The following SBF2 variants were observed in gnomAD, a reference collection of about 807,000 sequenced individuals.
SBF2 encodes myotubularin-related protein 13.
Under a neutral mutation model 225.2 loss-of-function variants are expected in SBF2, and 112 were observed. The observed-to-expected ratio is 0.50, with a 90% CI of 0.43 to 0.58. SBF2 has a LOEUF of 0.58. Among genes scored for constraint, SBF2 ranks in the 20% least tolerant of loss-of-function variants. The pLI is 0.00. For missense variants in SBF2, 1,996 were observed against 2,206.2 expected (o/e 0.90, Z 1.91); for synonymous variants, 763 against 773.3 (o/e 0.99, Z 0.22).
intron 2 of SBF2, among the ~76,000 whole-genome samples, chr11:10,137,992 T>C (rs1398209750): frequency 3.4e-5 from 5 of 148,476 alleles, no homozygotes; most frequent in Non-Finnish European, 1.5e-5. Flanking sequence ...AGAGTAAGAC[T>C]CCATCTCCAA....
intron 2 of SBF2, among the ~76,000 whole-genome samples, chr11:10,090,764 CAAAAAAA>C (rs201577494): frequency 2.3e-5 from 1 of 44,422 alleles, no homozygotes; most frequent in Non-Finnish European, 4.4e-5. Flanking sequence ...GATTCCATCT[CAAAAAAA>C]AAAAAAAAAA....
intron 2 of SBF2, among the ~76,000 whole-genome samples, chr11:10,054,234 C>T (rs941347389): frequency 2.0e-5 from 3 of 152,238 alleles, no homozygotes; most frequent in African/African-American, 2.4e-5. Context: ...ACTTTCATTA[C>T]GTGTAAGATA....
intron 2 of SBF2, among the ~76,000 whole-genome samples, chr11:10,097,576 TGTA>T (rs1271717776): frequency 6.6e-6 from 1 of 152,162 alleles, no homozygotes; most frequent in Non-Finnish European, 1.5e-5. Flanking sequence ...GGCATCAAGA[TGTA>T]GAAATAGGAA....
intron 1 of SBF2, among the ~76,000 whole-genome samples, chr11:10,273,545 T>C (rs1355645886): frequency 6.6e-6 from 1 of 152,226 alleles, no homozygotes; most frequent in East Asian, 1.9e-4. Flanking sequence ...TGTGTATGAA[T>C]GTTATGACCA....
chr11:9,891,593 C>T (rs1860823150), intron 17 of SBF2, among the ~76,000 whole-genome samples: 1 of 152,096 alleles, frequency 6.6e-6, no homozygotes, highest in Admixed American at 6.6e-5. Flanking sequence ...AATGAAAGTA[C>T]CATATAAACA....
At chr11:10,064,085 T>C (rs540749008) in intron 2 of SBF2, among the ~76,000 whole-genome samples, 2 of 152,288 alleles carry the variant, frequency 1.3e-5, no homozygotes, top group South Asian at 2.1e-4. Flanking sequence ...TTTTTTATTA[T>C]TTAAATATCT....
At chr11:10,195,041 G>C (rs1381157295) in intron 1 of SBF2, among the ~76,000 whole-genome samples, 2 of 152,182 alleles carry the variant, frequency 1.3e-5, no homozygotes, top group Non-Finnish European at 2.9e-5. Context: ...TATAAATACT[G>C]TTACTGGTTA....
chr11:9,982,374 A>T (rs949278931), intron 13 of SBF2, among the ~76,000 whole-genome samples: 1 of 152,242 alleles, frequency 6.6e-6, no homozygotes, highest in Non-Finnish European at 1.5e-5. Context: ...TGTGACTAAC[A>T]TGTTTTCATA....
intron 13 of SBF2, among the ~76,000 whole-genome samples, chr11:9,986,682 T>G (rs371428367): frequency 6.6e-6 from 1 of 152,070 alleles, no homozygotes; most frequent in Non-Finnish European, 1.5e-5. Context: ...CTAGAAGAGA[T>G]TGATACATTC....
At position 10,193,897 on chromosome 11, in the gene SBF2, C is replaced by T. The variant is rs1284700305; in HGVS notation, c.141+5G>A. Reference sequence around the variant, plus strand: ...TAAATATGCAATAATACAACAACCACTTACCAACTCAATTCCCTGTGGAAA... The same window carrying T: ...TAAATATGCAATAATACAACAACCATTTACCAACTCAATTCCCTGTGGAAA... On this transcript the variant is annotated splice_donor_5th_base_variant and intron_variant, in intron 2 of 39. Coordinates refer to ENST00000256190, the MANE Select transcript of SBF2 (RefSeq NM_030962.4). 1.4e-5 allele frequency: 22 copies of T among 1,596,890 alleles called. No homozygotes were observed. Among genetic ancestry groups the T allele is most frequent in the Admixed American group, 5.0e-5 (3 of 59,990 alleles).
intron 1 of SBF2, among the ~76,000 whole-genome samples, chr11:10,229,217 A>G (rs1393311085): frequency 6.6e-6 from 1 of 151,306 alleles, no homozygotes; most frequent in Non-Finnish European, 1.5e-5. Context: ...TTTCTTCTTT[A>G]TTACTCTTGC....
intron 1 of SBF2, among the ~76,000 whole-genome samples, chr11:10,274,428 G>T (rs955588218): frequency 6.6e-6 from 1 of 152,200 alleles, no homozygotes; most frequent in Non-Finnish European, 1.5e-5. Context: ...TTTATTAAGA[G>T]AATTAGAAAG....
At chr11:10,184,154 AT>A (rs1956841786) in intron 2 of SBF2, among the ~76,000 whole-genome samples, 1 of 152,244 alleles carries the variant, frequency 6.6e-6, no homozygotes, top group Admixed American at 6.5e-5. Context: ...AACAAAAAAG[AT>A]AACACATGCT....
In SBF2 at chr11:10,221,696, T is replaced by C. The variant is rs545243052; in HGVS notation, c.56-27709A>G. On this transcript the variant is annotated intron_variant, in intron 1 of 39. Coordinates refer to ENST00000256190, the MANE Select transcript of SBF2 (RefSeq NM_030962.4). Reference sequence around the variant, plus strand: ...AAAATATAAAAATCAGCTACCTATATATAAATAGGTATATACCAAAATATA... The same window carrying C: ...AAAATATAAAAATCAGCTACCTATACATAAATAGGTATATACCAAAATATA... 3.3e-5 allele frequency among the ~76,000 whole-genome samples: 5 copies of C among 152,142 alleles called. No individual in the cohort carries two copies. The South Asian group carries it at 6.2e-4, about 19-fold the overall frequency.
chr11:9,983,261 G>A (rs757727028), intron 13 of SBF2, among the ~76,000 whole-genome samples: 1 of 152,156 alleles, frequency 6.6e-6, no homozygotes, highest in Non-Finnish European at 1.5e-5. Context: ...AGAGAAACTG[G>A]CCCTTCTGTT....
At chr11:9,798,382 G>T (rs1431984655) in intron 32 of SBF2, among the ~76,000 whole-genome samples, 1 of 152,188 alleles carries the variant, frequency 6.6e-6, no homozygotes, top group East Asian at 1.9e-4. Flanking sequence ...GATGGAGAGG[G>T]GGGTTACTCA....
intron 28 of SBF2, among the ~76,000 whole-genome samples, chr11:9,820,078 G>A (rs1406600373): frequency 6.6e-6 from 1 of 152,060 alleles, no homozygotes; most frequent in Non-Finnish European, 1.5e-5. Flanking sequence ...AACAGAAAGG[G>A]GTTTATGATG....
intron 2 of SBF2, among the ~76,000 whole-genome samples, chr11:10,079,696 T>C (rs1267190007): frequency 1.3e-5 from 2 of 152,186 alleles, no homozygotes; most frequent in Non-Finnish European, 2.9e-5. Flanking sequence ...AACTACCTTA[T>C]TCTAGCAGAA....
chr11:9,973,358 C>T (rs545894915), intron 13 of SBF2, among the ~76,000 whole-genome samples: 3 of 152,326 alleles, frequency 2.0e-5, no homozygotes, highest in African/African-American at 7.2e-5. Flanking sequence ...CAGTACAAAG[C>T]AGCAGCCAAA....
Sources: gnomAD v4.1 joint callset for allele counts (sites outside exome capture counted in the v4.1 genomes callset) on GRCh38, gnomAD v4.1.1 for gene constraint, MANE v1.5 for transcripts, NCBI Gene and HGNC (gene_info 2026-07-23, HGNC 2026-07-21) for gene names.